DIPK1A: variants seen among roughly 807,000 people sequenced by gnomAD.
DIPK1A encodes family with sequence similarity 69 member A.
In DIPK1A, 27 loss-of-function variants were observed where a neutral mutation model predicts 40.8. The observed-to-expected ratio is 0.66, with a 90% CI of 0.49 to 0.91. The LOEUF (loss-of-function observed/expected upper bound fraction) is 0.91, where lower values mean the gene tolerates loss of function less well. DIPK1A is among the 40% of genes least tolerant of loss of function. The pLI is 0.00. For synonymous variants in DIPK1A, 166 were observed against 171.3 expected, an observed-to-expected ratio of 0.97 and a Z score of 0.24; for missense variants, 412 against 505.7, an observed-to-expected ratio of 0.81 and a Z score of 1.78.
intron 1 of DIPK1A, among the ~76,000 whole-genome samples, chr1:92,951,450 G>C (rs1263952961): frequency 1.3e-5 from 2 of 152,194 alleles, no homozygotes; most frequent in African/African-American, 4.8e-5. Context: ...ACTCTAGAAA[G>C]AAACTCAGCC....
intron 4 of DIPK1A, chr1:92,846,616 A>C (rs1571049300): frequency 2.5e-6 from 1 of 402,132 alleles, no homozygotes; most frequent in Non-Finnish European, 4.9e-6. Context: ...ATTCTCCAAC[A>C]CAGATTTCTT....
chr1:92,875,932 T>C (rs1648100668), intron 2 of DIPK1A, among the ~76,000 whole-genome samples: 1 of 151,606 alleles, frequency 6.6e-6, no homozygotes, highest in African/African-American at 2.4e-5. Flanking sequence ...GTAAAAGATG[T>C]GTTCTAGAAA....
chr1:92,843,130 C>CA lies in DIPK1A; in HGVS notation c.*252dup. On this transcript the variant is annotated 3_prime_UTR_variant, in exon 5 of 5. Transcript: ENST00000370310. ...TTTTCACAGCATTGGTTTTTAAAGT[C>CA]AGTCAAAATAGTTACACAATGAATG... is the stretch of plus-strand genomic sequence containing the variant. 8.6e-7 allele frequency: 1 copy of CA among 1,157,330 alleles called. No individual in the cohort carries two copies. Among genetic ancestry groups the CA allele is most frequent in the Non-Finnish European group, 1.1e-6 (1 of 937,820 alleles). 71.7% of individuals were successfully genotyped at this position (1,157,330 alleles called of 1,614,324 possible).
intron 2 of DIPK1A, among the ~76,000 whole-genome samples, chr1:92,875,066 C>G (rs968385646): frequency 1.3e-5 from 2 of 152,082 alleles, no homozygotes; most frequent in African/African-American, 4.8e-5. Flanking sequence ...CTGTAACACT[C>G]CTGTGGAATA....
intron 3 of DIPK1A, among the ~76,000 whole-genome samples, chr1:92,848,649 C>T (rs1397971075): frequency 6.6e-6 from 1 of 152,196 alleles, no homozygotes; most frequent in Non-Finnish European, 1.5e-5. Flanking sequence ...TAGCCTTTTG[C>T]ACTGTCTAAA....
chr1:92,855,591 C>A (rs936618943), intron 2 of DIPK1A, among the ~76,000 whole-genome samples: 2 of 151,296 alleles, frequency 1.3e-5, no homozygotes, highest in Admixed American at 6.6e-5. Flanking sequence ...GTAGTCCCAG[C>A]TACTCAGGAG....
intron 2 of DIPK1A, among the ~76,000 whole-genome samples, chr1:92,871,485 C>T (rs1647858597): frequency 6.6e-6 from 1 of 151,810 alleles, no homozygotes; most frequent in South Asian, 2.1e-4. Flanking sequence ...TTTTATTATT[C>T]CATTTTTTCT....
intron 2 of DIPK1A, among the ~76,000 whole-genome samples, chr1:92,851,184 G>A (rs1359852554): frequency 1.3e-5 from 2 of 152,012 alleles, no homozygotes; most frequent in Non-Finnish European, 2.9e-5. Context: ...TTTCCCACAT[G>A]ACATGGTCTA....
chr1:92,857,513 G>T (rs927511033), intron 2 of DIPK1A, among the ~76,000 whole-genome samples: 7 of 151,888 alleles, frequency 4.6e-5, no homozygotes, highest in Non-Finnish European at 8.8e-5. Context: ...GTAGAGATGG[G>T]GTTTCACCAT....
intron 1 of DIPK1A, among the ~76,000 whole-genome samples, chr1:92,953,279 G>T (rs1651714575): frequency 6.7e-6 from 1 of 148,700 alleles, no homozygotes. Context: ...CGGGGATGTG[G>T]AAAAATTGAA....
Position 92,843,085 on chromosome 1 carries a change from TG to T in DIPK1A, c.*297del, listed in dbSNP as rs1484966008. 9.4e-7 allele frequency: 1 copy of T among 1,064,936 alleles called. No homozygotes were observed. Among genetic ancestry groups the T allele is most frequent in the African/African-American group, 1.7e-5 (1 of 59,442 alleles). 66.0% of individuals were successfully genotyped at this position (1,064,936 alleles called of 1,614,324 possible). ...GGTAAATCTACAAATCACTCACTGT[TG>T]ATGTTTATGGAATGAAGCTTTTCAC... On this transcript the variant is annotated 3_prime_UTR_variant, in exon 5 of 5. Coordinates refer to ENST00000370310, the MANE Select transcript of DIPK1A (RefSeq NM_001006605.5).
At chr1:92,845,647 C>G (rs1192752141) in intron 4 of DIPK1A, 2 of 221,314 alleles carry the variant, frequency 9.0e-6, no homozygotes, top group Non-Finnish European at 1.8e-5. Context: ...CGAGACCAGC[C>G]TGGCCAAAAT....
chr1:92,925,566 T>A (rs1479000021), intron 1 of DIPK1A, among the ~76,000 whole-genome samples: 1 of 152,122 alleles, frequency 6.6e-6, no homozygotes, highest in Non-Finnish European at 1.5e-5. Flanking sequence ...CGATCTCGGC[T>A]CACTGCAACC....
At chr1:92,907,224 T>A (rs1649656745) in intron 1 of DIPK1A, among the ~76,000 whole-genome samples, 2 of 152,148 alleles carry the variant, frequency 1.3e-5, no homozygotes, top group South Asian at 4.1e-4. Context: ...AGGTCCTATA[T>A]TTTAGAACAG....
chr1:92,920,104 G>C (rs1378543233), intron 1 of DIPK1A, among the ~76,000 whole-genome samples: 2 of 152,058 alleles, frequency 1.3e-5, no homozygotes, highest in African/African-American at 4.8e-5. Flanking sequence ...GTTTAGATGG[G>C]GACTCAGGTA....
At chr1:92,926,885 T>G (rs1650535912) in intron 1 of DIPK1A, among the ~76,000 whole-genome samples, 1 of 152,244 alleles carries the variant, frequency 6.6e-6, no homozygotes, top group African/African-American at 2.4e-5. Flanking sequence ...TTGTATCTTT[T>G]GTTAAGTGCA....
intron 1 of DIPK1A, among the ~76,000 whole-genome samples, chr1:92,907,275 G>C (rs939417831): frequency 6.6e-6 from 1 of 152,032 alleles, no homozygotes; most frequent in Non-Finnish European, 1.5e-5. Flanking sequence ...TTAAGGTTTA[G>C]AGCATCTTTT....
chr1:92,865,839 C>A (rs184862731), intron 2 of DIPK1A, among the ~76,000 whole-genome samples: 21 of 152,180 alleles, frequency 1.4e-4, no homozygotes, highest in Admixed American at 2.6e-4. Context: ...ATAGTGATTT[C>A]CAATGTTGAA....
chr1:92,841,101 A>G (rs527727657), downstream of DIPK1A, among the ~76,000 whole-genome samples: 292 of 152,348 alleles, frequency 1.9e-3, 1 homozygote, highest in African/African-American at 6.6e-3. Flanking sequence ...ACGATATTCT[A>G]TATTCATCAT....
Sources: allele counts gnomAD v4.1 joint callset (sites outside exome capture counted in the v4.1 genomes callset), GRCh38; gene constraint gnomAD v4.1.1; transcripts MANE v1.5; gene names NCBI Gene and HGNC (gene_info 2026-07-23, HGNC 2026-07-21).